Variants in TOP2A observed in about 807,000 individuals in gnomAD.
TOP2A encodes DNA topoisomerase II alpha.
A neutral mutation model predicts 187.2 loss-of-function variants in TOP2A; 68 were observed. The ratio of observed to expected loss-of-function variants is 0.36; its 90% confidence interval spans 0.30 to 0.44. TOP2A has a LOEUF of 0.44. Ranked by LOEUF, TOP2A falls within the 20% of genes least tolerant of loss-of-function variation. The pLI is 1.00. For synonymous variants in TOP2A, 542 were observed against 593.2 expected (o/e 0.91, Z 1.25); for missense variants, 1,196 against 1,808.7 (o/e 0.66, Z 6.14).
Position 40,392,353 on chromosome 17 carries a change from A to T in TOP2A, c.3965-12T>A. 6.3e-7 allele frequency: 1 copy of T among 1,574,956 alleles called. No homozygotes were observed. ...GAATTTTGTTTTTGCTAGTAAAAAA[A>T]CCATATACAAAAAAATCAAAGAGGG... is the stretch of plus-strand genomic sequence containing the variant. On this transcript the variant is annotated splice_polypyrimidine_tract_variant and intron_variant, in intron 30 of 34. Transcript: ENST00000423485.
Position 40,392,212 on chromosome 17 carries a change from A to G in TOP2A, c.4088+6T>C, listed in dbSNP as rs1339533999. 6.2e-7 allele frequency: 1 copy of G among 1,613,206 alleles called. No individual in the cohort carries two copies. Among genetic ancestry groups the G allele is most frequent in the Non-Finnish European group, 8.5e-7 (1 of 1,179,598 alleles). On this transcript the variant is annotated splice_donor_region_variant and intron_variant, in intron 31 of 34. Coordinates refer to ENST00000423485, the MANE Select transcript of TOP2A (RefSeq NM_001067.4). ...TGACAAAACCCATATTAGATAAGAT[A>G]CTTGCTTTGGGGAAGTTTTGGTCTT... is the stretch of plus-strand genomic sequence containing the variant.
intron 22 of TOP2A, 55 bp downstream of exon 22, chr17:40,400,474 A>G: frequency 6.2e-7 from 1 of 1,601,664 alleles, no homozygotes; most frequent in Non-Finnish European, 8.5e-7. Flanking sequence ...CAGCAATAGT[A>G]CAAAAGGTAT....
chr17:40,414,131 A>AT lies in TOP2A; in HGVS notation c.333-507dup, dbSNP rs143431308. Among the ~76,000 whole-genome samples, 1,470 of 152,342 alleles carry AT rather than the reference A, an allele frequency of 9.6e-3. 28 individuals carry two copies. Among genetic ancestry groups the AT allele is most frequent in the African/African-American group, 0.034 (1,395 of 41,572 alleles). On this transcript the variant is annotated intron_variant, in intron 4 of 34. Coordinates refer to ENST00000423485, the MANE Select transcript of TOP2A (RefSeq NM_001067.4). ...AAATACAAAATTTTAAAATGTTAGG[A>AT]TAAACAGAGGGAAATGATTTATGCC...
chr17:40,415,756 A>G (rs1448482744), intron 4 of TOP2A, among the ~76,000 whole-genome samples: 1 of 152,228 alleles, frequency 6.6e-6, no homozygotes, highest in African/African-American at 2.4e-5. Flanking sequence ...AGACCAGCCC[A>G]GGCAAAATAG....
chr17:40,392,240 G>A lies in TOP2A; in HGVS notation c.4066C>T (p.Pro1356Ser). 2 of 1,613,308 alleles carry A rather than the reference G, an allele frequency of 1.2e-6. No homozygotes were observed. The highest frequency in any genetic ancestry group is 1.7e-4 in the Middle Eastern group (1 of 6,056). Residue 1356 changes from proline (P) to serine (S), a missense_variant, in exon 31 of 35, where the codon CCT becomes TCT. Physicochemically the swap from Pro to Ser is moderately conservative, Grantham distance 74. This residue lies in a region of TOP2A where 374 missense variants were observed against 403.3 expected (regional missense o/e 0.93). Transcript: ENST00000423485. ...TGCTTTGGGGAAGTTTTGGTCTTAG[G>A]TGGACTAGCATCTGATGGGACAAAA... ...EDFVPSDASP[P>S]KTKTSPKLSN...
At chr17:40,392,457 G>A in intron 30 of TOP2A, 116 bp from the exon 31 acceptor site, 1 of 1,469,200 alleles carries the variant, frequency 6.8e-7, no homozygotes, top group Admixed American at 2.1e-5. Context: ...AGATGCTTCA[G>A]TGTTTCAAAG....
rs74496325 is a variant in TOP2A, at chr17:40,404,143, T to C, written c.2283+9A>G. ...TAATGCTTTCTGGAAACATGGATTG[T>C]GTGTTTACCTCACCATGATGATAAG... On this transcript the variant is annotated intron_variant, in intron 19 of 34. Coordinates refer to ENST00000423485, the MANE Select transcript of TOP2A (RefSeq NM_001067.4). 64,234 of 1,611,370 alleles carry C rather than the reference T, an allele frequency of 0.04. 1,530 individuals are homozygous for C. The highest frequency in any genetic ancestry group is 0.046 in the Non-Finnish European group (54,744 of 1,179,112).
intron 1 of TOP2A, among the ~76,000 whole-genome samples, chr17:40,417,186 C>T (rs1191767645): frequency 6.6e-6 from 1 of 152,182 alleles, no homozygotes; most frequent in Non-Finnish European, 1.5e-5. Flanking sequence ...CCACTTCTTT[C>T]AGTTCCTGCA....
rs1474683277 is a variant in TOP2A at position 40,388,983 on chromosome 17, C to G, written c.*536G>C. The G allele has an allele frequency of 4.7e-6, 1 of 214,294 alleles. No individual in the cohort carries two copies. The highest frequency in any genetic ancestry group is 9.5e-6 in the Non-Finnish European group (1 of 105,392). 13.3% of individuals were successfully genotyped at this position (214,294 alleles called of 1,614,324 possible). The stretch of plus-strand genomic sequence containing the variant: ...AGAAGATGAAGAACATGAGCAATTT[C>G]TCATTGCTTAAAGAAAAACTTGGCA... On this transcript the variant is annotated 3_prime_UTR_variant, in exon 35 of 35. Coordinates refer to ENST00000423485, the MANE Select transcript of TOP2A (RefSeq NM_001067.4).
rs564605878 is a variant in TOP2A, at chr17:40,395,265, A to G, written c.3811+184T>C. Among the ~76,000 whole-genome samples the G allele has an allele frequency of 2.3e-3, 342 of 150,052 alleles. 1 individual carries two copies. Among genetic ancestry groups the G allele is most frequent in the African/African-American group, 8.2e-3 (332 of 40,692 alleles). ...GCTATTGCACTCCAGCCTGGGCAACAAGAGTGAAACTGTCTCAAAAAAAAA... is the reference window on the plus strand; with the variant it reads ...GCTATTGCACTCCAGCCTGGGCAACGAGAGTGAAACTGTCTCAAAAAAAAA... On this transcript the variant is annotated intron_variant, in intron 29 of 34. Coordinates refer to ENST00000423485, the MANE Select transcript of TOP2A (RefSeq NM_001067.4).
At chr17:40,390,755 G>T (rs2077356797) in intron 33 of TOP2A, among the ~76,000 whole-genome samples, 1 of 150,400 alleles carries the variant, frequency 6.6e-6, no homozygotes, top group Admixed American at 6.6e-5. Context: ...AGCCTCCCGA[G>T]TAGCTGACTA....
Position 40,403,413 on chromosome 17 carries a change from A to G in TOP2A, c.2284-359T>C, listed in dbSNP as rs564508359. 3.9e-5 allele frequency among the ~76,000 whole-genome samples: 6 copies of G among 152,242 alleles called. No homozygotes were observed. In the South Asian group the frequency reaches 1.0e-3, roughly 26 times the overall value. ...TTGGCCCTCTGGCTAAATTGTTATT[A>G]TATCTTGGGGATAAGGAACATATTT... On this transcript the variant is annotated intron_variant, in intron 19 of 34. Transcript: ENST00000423485.
intron 10 of TOP2A, 77 bp from the exon 11 acceptor site, chr17:40,408,707 C>T (rs775887820): frequency 7.1e-7 from 1 of 1,414,308 alleles, no homozygotes; most frequent in South Asian, 1.2e-5. Flanking sequence ...TACAAATGAG[C>T]CTTAATACAA....
rs1346618176 is a variant in TOP2A at position 40,413,094 on chromosome 17, T to C, written c.576+101A>G. 4.7e-6 allele frequency: 6 copies of C among 1,281,010 alleles called. No homozygotes were observed. In the Admixed American group the frequency reaches 6.4e-5, roughly 14 times the overall value. 79.4% of individuals were successfully genotyped at this position (1,281,010 alleles called of 1,614,324 possible). A position where few individuals can be genotyped will look rare whatever the true frequency, so the allele number is the denominator to read the frequency against. ...ATGCTTATAATTTTCCATACTTCAA[T>C]AGCTTATAAATTATGTTAAATTAAA... is the stretch of plus-strand genomic sequence containing the variant. On this transcript the variant is annotated intron_variant, in intron 6 of 34. Coordinates refer to ENST00000423485, the MANE Select transcript of TOP2A (RefSeq NM_001067.4).
intron 16 of TOP2A, 67 bp from the exon 17 acceptor site, chr17:40,404,950 T>A: frequency 6.6e-6 from 6 of 912,898 alleles, no homozygotes; most frequent in Non-Finnish European, 1.0e-5. Flanking sequence ...AATATCCTTC[T>A]ACAAAGAACG....
intron 29 of TOP2A, among the ~76,000 whole-genome samples, chr17:40,393,629 A>G (rs1331539849): frequency 1.3e-5 from 2 of 152,222 alleles, no homozygotes; most frequent in Non-Finnish European, 2.9e-5. Flanking sequence ...TTGTAGAAAG[A>G]AGTCTTTTTA....
rs1804537 is a variant in TOP2A, at chr17:40,396,413, C to A, written c.3590G>T (p.Gly1197Val). The A allele has an allele frequency of 1.2e-3, 1,922 of 1,613,886 alleles. 3 individuals are homozygous for A. Among genetic ancestry groups the A allele is most frequent in the South Asian group, 2.0e-3 (185 of 91,066 alleles). The change falls in exon 28 of 35, where the codon GGG (glycine) becomes GTG (valine). Residue 1197 changes from glycine (G) to valine (V), a missense_variant. Physicochemically the swap from Gly to Val is moderately radical, Grantham distance 109 (BLOSUM62 -3). Around this residue, in one of 10 missense-constraint regions of TOP2A, gnomAD observed 374 missense variants for 403.3 expected, o/e 0.93. Coordinates refer to ENST00000423485, the MANE Select transcript of TOP2A (RefSeq NM_001067.4). Reference protein sequence around the residue: ...QDEQVGLPGKGGKAKGKKTQM... With the variant: ...QDEQVGLPGKVGKAKGKKTQM... Reference sequence around the variant, plus strand: ...TGTTTTTTTCCCCTTGGCCTTCCCCCCTTTCCCAGGAAGTCCGACTTGTTC... The same window carrying A: ...TGTTTTTTTCCCCTTGGCCTTCCCCACTTTCCCAGGAAGTCCGACTTGTTC...
At chr17:40,407,787 G>T in intron 12 of TOP2A, 113 bp from the exon 13 acceptor site, 1 of 1,219,974 alleles carries the variant, frequency 8.2e-7, no homozygotes, top group South Asian at 1.5e-5. Flanking sequence ...TGAGCTATTA[G>T]CTTATAATTT....
intron 20 of TOP2A, 127 bp downstream of exon 20, chr17:40,402,779 C>T: frequency 1.0e-6 from 1 of 974,440 alleles, no homozygotes. Context: ...TAAGCCTCAC[C>T]CCTGGCCTCT....
Sources: allele counts gnomAD v4.1 joint callset (sites outside exome capture counted in the v4.1 genomes callset), GRCh38; gene constraint gnomAD v4.1.1; regional missense constraint gnomAD v4.1.1; transcripts MANE v1.5; gene names NCBI Gene and HGNC (gene_info 2026-07-23, HGNC 2026-07-21).